CDH11: variants seen among roughly 807,000 people sequenced by gnomAD.
CDH11 encodes the protein cadherin 11, also known as cadherin-11.
A neutral mutation model predicts 67.8 loss-of-function variants in CDH11; 11 were observed. The ratio of observed to expected loss-of-function variants is 0.16; its 90% CI spans 0.10 to 0.27. CDH11 has a LOEUF of 0.27. Among genes scored for constraint, CDH11 ranks in the 10% least tolerant of loss-of-function variants. CDH11 has a pLI of 1.00. For synonymous variants in CDH11, 419 were observed against 400.0 expected (o/e 1.05, Z -0.57); for missense variants, 847 against 1,031.2 (o/e 0.82, Z 2.45).
At chr16:65,090,129 C>T (rs2074770362) in intron 1 of CDH11, among the ~76,000 whole-genome samples, 3 of 151,958 alleles carry the variant, frequency 2.0e-5, no homozygotes, top group Admixed American at 2.0e-4. Flanking sequence ...ATGCACAATG[C>T]ATTTTAAAAT....
chr16:65,055,370 A>G (rs1179381071), intron 1 of CDH11, among the ~76,000 whole-genome samples: 1 of 152,216 alleles, frequency 6.6e-6, no homozygotes, highest in Non-Finnish European at 1.5e-5. Flanking sequence ...AAGGCAAAGC[A>G]TTGAACCAAA....
intron 2 of CDH11, among the ~76,000 whole-genome samples, chr16:65,017,916 T>C (rs946513859): frequency 6.6e-6 from 1 of 152,198 alleles, no homozygotes; most frequent in Non-Finnish European, 1.5e-5. Context: ...CCCATTTTTA[T>C]TAAAAACAAA....
chr16:65,092,013 T>C (rs1238258121), intron 1 of CDH11, among the ~76,000 whole-genome samples: 1 of 152,172 alleles, frequency 6.6e-6, no homozygotes. Flanking sequence ...ATTTCACCTC[T>C]CATTTTATTA....
chr16:65,104,890 G>A (rs903885186), intron 1 of CDH11, among the ~76,000 whole-genome samples: 1 of 152,206 alleles, frequency 6.6e-6, no homozygotes, highest in African/African-American at 2.4e-5. Context: ...AAATTCTGTT[G>A]TCTTGGTAGT....
At chr16:65,110,045 AT>A (rs1278394764) in intron 1 of CDH11, among the ~76,000 whole-genome samples, 1 of 152,012 alleles carries the variant, frequency 6.6e-6, no homozygotes, top group East Asian at 1.9e-4. Flanking sequence ...TAATTTTTGT[AT>A]TTTTTGTAAA....
intron 11 of CDH11, among the ~76,000 whole-genome samples, chr16:64,964,087 C>T (rs1393843297): frequency 6.6e-6 from 1 of 152,146 alleles, no homozygotes; most frequent in Non-Finnish European, 1.5e-5. Context: ...TGACCTAACA[C>T]AATAATTTGT....
Position 64,946,501 on chromosome 16 carries a change from C to G in CDH11, c.*1102G>C, listed in dbSNP as rs147179722. 4.5e-4 allele frequency: 462 copies of G among 1,030,962 alleles called. 1 individual carries two copies. In the African/African-American group the frequency reaches 7.5e-3, roughly 17 times the overall value. The allele number at this position is 1,030,962 out of a possible 1,614,324, so 63.9% of individuals were successfully genotyped here. On this transcript the variant is annotated 3_prime_UTR_variant, in exon 13 of 13. Coordinates refer to ENST00000268603, the MANE Select transcript of CDH11 (RefSeq NM_001797.4). ...CACATATTGCAAAGTCATAGACTGA[C>G]CTAGTTCTTTCACATCCTTCTTTTT...
In CDH11 at chr16:64,968,381, T is replaced by C. The variant is rs149263100; in HGVS notation, c.1642+3198A>G. The C allele has an allele frequency of 6.0e-4, 583 of 973,848 alleles. 8 individuals carry two copies. In the Middle Eastern group the frequency reaches 9.6e-3, roughly 16 times the overall value. 60.3% of individuals were successfully genotyped at this position (973,848 alleles called of 1,614,324 possible). ...ACTTTTCTCATCCATTACATATTTC[T>C]TGTGATTTAAGAGATGCCACATGCC... On this transcript the variant is annotated intron_variant, in intron 11 of 12. Transcript: ENST00000268603.
chr16:64,970,716 T>C (rs1011121555), intron 11 of CDH11, among the ~76,000 whole-genome samples: 1 of 152,204 alleles, frequency 6.6e-6, no homozygotes, highest in African/African-American at 2.4e-5. Context: ...TATGGCCTAG[T>C]ACCTGGTTAG....
intron 11 of CDH11, among the ~76,000 whole-genome samples, chr16:64,951,714 T>C (rs1183089027): frequency 1.3e-5 from 2 of 152,220 alleles, no homozygotes; most frequent in Non-Finnish European, 2.9e-5. Context: ...TTTGTTTGTA[T>C]ATATTTTTAA....
chr16:64,980,160 ACATCTTCAT>A (rs2072293138), intron 8 of CDH11, among the ~76,000 whole-genome samples: 2 of 152,188 alleles, frequency 1.3e-5, no homozygotes, highest in Admixed American at 1.3e-4. Context: ...TAATGGTTGA[ACATCTTCAT>A]GAAATATACT....
At chr16:64,971,878 A>G in intron 10 of CDH11, 53 bp downstream of exon 10, 1 of 1,595,634 alleles carries the variant, frequency 6.3e-7, no homozygotes, top group African/African-American at 1.3e-5. Context: ...TAAAAAACAC[A>G]CTCTATTTCC....
intron 1 of CDH11, among the ~76,000 whole-genome samples, chr16:65,107,318 T>C (rs189572710): frequency 6.6e-6 from 1 of 152,356 alleles, no homozygotes; most frequent in Admixed American, 6.5e-5. Flanking sequence ...ATTGAGACTG[T>C]CCTGAAGATT....
intron 1 of CDH11, among the ~76,000 whole-genome samples, chr16:65,116,461 T>C (rs1288976321): frequency 1.3e-5 from 2 of 152,284 alleles, no homozygotes; most frequent in African/African-American, 4.8e-5. Context: ...GAGAGCTGAA[T>C]GTGGAGAGCT....
chr16:65,049,450 A>T (rs2074018891), intron 2 of CDH11, among the ~76,000 whole-genome samples: 1 of 152,140 alleles, frequency 6.6e-6, no homozygotes, highest in South Asian at 2.1e-4. Context: ...ATCCTCATCT[A>T]TGAAAGAATC....
intron 2 of CDH11, among the ~76,000 whole-genome samples, chr16:65,025,151 T>G (rs761603398): frequency 6.6e-6 from 1 of 152,176 alleles, no homozygotes; most frequent in East Asian, 1.9e-4. Flanking sequence ...TCTCTGAGTC[T>G]CTGTTTCCTT....
intron 1 of CDH11, among the ~76,000 whole-genome samples, chr16:65,055,912 G>C (rs1277773710): frequency 1.3e-5 from 2 of 152,154 alleles, no homozygotes; most frequent in South Asian, 4.1e-4. Flanking sequence ...ATGTCATGAA[G>C]GATTGTTCTT....
At chr16:65,014,021 C>T (rs1430732505) in intron 2 of CDH11, among the ~76,000 whole-genome samples, 1 of 152,164 alleles carries the variant, frequency 6.6e-6, no homozygotes, top group African/African-American at 2.4e-5. Context: ...GCCTGGTCCA[C>T]AGCAGGTAAT....
chr16:65,075,452 C>A (rs761709258), intron 1 of CDH11, among the ~76,000 whole-genome samples: 1 of 152,168 alleles, frequency 6.6e-6, no homozygotes, highest in Admixed American at 6.5e-5. Context: ...GGCCTCTTGA[C>A]TCTCACTCAA....
Sources: gnomAD v4.1 joint callset for allele counts (sites outside exome capture counted in the v4.1 genomes callset) on GRCh38, gnomAD v4.1.1 for gene constraint, MANE v1.5 for transcripts, NCBI Gene and HGNC (gene_info 2026-07-23, HGNC 2026-07-21) for gene names.